PDE4D: variants seen among roughly 807,000 people sequenced by gnomAD.
The protein encoded by PDE4D is 3',5'-cyclic-AMP phosphodiesterase 4D.
A neutral mutation model predicts 87.4 loss-of-function variants in PDE4D; 24 were observed. The observed-to-expected ratio is 0.27, with a 90% CI of 0.20 to 0.39. The LOEUF is 0.39. Ranked by LOEUF, PDE4D falls within the 10% of genes least tolerant of loss-of-function variation. The pLI is 1.00. For missense variants in PDE4D, 714 were observed against 1,041.0 expected, an observed-to-expected ratio of 0.69 and a Z score of 4.32; for synonymous variants, 384 against 383.2, an observed-to-expected ratio of 1.00 and a Z score of -0.02.
intron 1 of PDE4D, among the ~76,000 whole-genome samples, chr5:59,541,247 G>A (rs946957280): frequency 1.8e-4 from 28 of 152,172 alleles, no homozygotes; most frequent in Admixed American, 5.9e-4. Flanking sequence ...CTGACTGGCT[G>A]TCTCTGTAAG....
intron 1 of PDE4D, among the ~76,000 whole-genome samples, chr5:60,332,204 T>C (rs532329684): frequency 2.2e-4 from 33 of 152,360 alleles, no homozygotes; most frequent in African/African-American, 7.7e-4. Context: ...AAGTTTAGAT[T>C]CAGCGAGTAC....
In PDE4D at chr5:60,021,194, A is replaced by G. The variant is rs548898004; in HGVS notation, c.43-32477T>C. 3 of 152,302 alleles carry G rather than the reference A, an allele frequency of 2.0e-5. No homozygotes were observed. The East Asian group carries it at 5.8e-4, about 29-fold the overall frequency. The allele number at this position is 152,302 out of a possible 1,614,324, so 9.4% of individuals were successfully genotyped here. On this transcript the variant is annotated intron_variant, in intron 2 of 16. Coordinates refer to the PDE4D transcript ENST00000502484. ...TACACAAAACCTCATTGGTCCCTAGAGTCTCTATGTCATAATAGATTCAGG... is the reference window on the plus strand; with the variant it reads ...TACACAAAACCTCATTGGTCCCTAGGGTCTCTATGTCATAATAGATTCAGG...
chr5:59,855,301 C>T (rs1214435327), intron 1 of PDE4D, among the ~76,000 whole-genome samples: 1 of 152,140 alleles, frequency 6.6e-6, no homozygotes, highest in Admixed American at 6.6e-5. Context: ...GTACTTTTAA[C>T]AAGGTTCCAT....
chr5:59,254,664 A>T (rs1423760812), intron 1 of PDE4D, among the ~76,000 whole-genome samples: 2 of 152,088 alleles, frequency 1.3e-5, no homozygotes, highest in Non-Finnish European at 2.9e-5. Flanking sequence ...TTAATGAATC[A>T]AATTTTCAAT....
chr5:58,989,967 T>G, intron 9 of PDE4D, 48 bp from the exon 10 acceptor site: 1 of 1,215,782 alleles, frequency 8.2e-7, no homozygotes, highest in Non-Finnish European at 1.2e-6. Flanking sequence ...ATGTGAAAAA[T>G]TTCTCCATAG....
At chr5:59,436,895 C>T (rs1052698884) in intron 1 of PDE4D, among the ~76,000 whole-genome samples, 5 of 152,124 alleles carry the variant, frequency 3.3e-5, no homozygotes, top group East Asian at 1.9e-4. Context: ...ACCACATGGA[C>T]GGATACCTTA....
intron 5 of PDE4D, among the ~76,000 whole-genome samples, chr5:59,050,691 G>C (rs952612485): frequency 6.6e-6 from 1 of 152,218 alleles, no homozygotes; most frequent in Non-Finnish European, 1.5e-5. Context: ...AGATCAGAAA[G>C]AGCATGGACT....
intron 2 of PDE4D, among the ~76,000 whole-genome samples, chr5:59,989,016 A>G (rs2152830941): frequency 6.6e-6 from 1 of 150,970 alleles, no homozygotes; most frequent in East Asian, 1.9e-4. Context: ...GGATAAATCA[A>G]AATGTTTTTA....
chr5:60,245,691 G>A (rs1477988065), intron 1 of PDE4D, among the ~76,000 whole-genome samples: 1 of 151,918 alleles, frequency 6.6e-6, no homozygotes, highest in Non-Finnish European at 1.5e-5. Flanking sequence ...GACAAACTTT[G>A]CATGTTTTCA....
At chr5:59,920,998 A>G (rs953177525) in intron 3 of PDE4D, among the ~76,000 whole-genome samples, 3 of 152,198 alleles carry the variant, frequency 2.0e-5, no homozygotes, top group Non-Finnish European at 4.4e-5. Context: ...CATGTACCCT[A>G]GAACTTAAAG....
chr5:59,611,561 T>C (rs533690726), intron 1 of PDE4D, among the ~76,000 whole-genome samples: 1 of 152,248 alleles, frequency 6.6e-6, no homozygotes, highest in African/African-American at 2.4e-5. Context: ...GATACAAACT[T>C]CTTAAGGGCA....
At chr5:60,085,466 A>T (rs924144963) in intron 2 of PDE4D, among the ~76,000 whole-genome samples, 1 of 152,200 alleles carries the variant, frequency 6.6e-6, no homozygotes, top group African/African-American at 2.4e-5. Context: ...TAATGTATCT[A>T]AAAAGTAAAC....
At chr5:59,577,323 A>G (rs1420797091) in intron 1 of PDE4D, among the ~76,000 whole-genome samples, 5 of 152,148 alleles carry the variant, frequency 3.3e-5, no homozygotes, top group African/African-American at 1.2e-4. Context: ...AAAATACCCA[A>G]GGTAGACAGG....
intron 1 of PDE4D, among the ~76,000 whole-genome samples, chr5:60,241,764 C>T (rs1747156875): frequency 1.3e-5 from 2 of 151,680 alleles, no homozygotes; most frequent in Non-Finnish European, 2.9e-5. Context: ...TAACAAAGAA[C>T]TTCCCAAACC....
intron 1 of PDE4D, chr5:59,529,260 G>T: frequency 2.2e-6 from 1 of 453,134 alleles, no homozygotes. Context: ...ATTAAGTCTG[G>T]CAATGATGAC....
At chr5:59,595,180 A>C (rs1209305778) in intron 1 of PDE4D, among the ~76,000 whole-genome samples, 1 of 152,198 alleles carries the variant, frequency 6.6e-6, no homozygotes, top group East Asian at 1.9e-4. Context: ...TTTTCTTTAC[A>C]ATTGCTTGAA....
At chr5:59,383,531 C>T (rs959555544) in intron 1 of PDE4D, among the ~76,000 whole-genome samples, 3 of 152,150 alleles carry the variant, frequency 2.0e-5, no homozygotes, top group East Asian at 1.9e-4. Context: ...TAAGACGCTA[C>T]ACAATGTATT....
At chr5:59,484,919 A>T (rs1236254056) in intron 1 of PDE4D, among the ~76,000 whole-genome samples, 1 of 152,214 alleles carries the variant, frequency 6.6e-6, no homozygotes, top group Admixed American at 6.5e-5. Context: ...GACAACCAGT[A>T]ATATCCACCA....
intron 1 of PDE4D, among the ~76,000 whole-genome samples, chr5:59,742,066 G>A (rs1758923612): frequency 6.6e-6 from 1 of 151,886 alleles, no homozygotes; most frequent in Non-Finnish European, 1.5e-5. Flanking sequence ...CTTCTTTTGG[G>A]GGGAGGGTAG....
Sources: gnomAD v4.1 joint callset for allele counts (sites outside exome capture counted in the v4.1 genomes callset) on GRCh38, gnomAD v4.1.1 for gene constraint, MANE v1.5 for transcripts, NCBI Gene and HGNC (gene_info 2026-07-23, HGNC 2026-07-21) for gene names.